The following CYP39A1 variants were observed in gnomAD, a reference collection of about 807,000 sequenced individuals.
CYP39A1 encodes cytochrome P450 family 39 subfamily A member 1, also known as 24-hydroxycholesterol 7-alpha-hydroxylase.
Under a neutral mutation model 58.1 loss-of-function variants are expected in CYP39A1, and 49 were observed. The observed-to-expected ratio is 0.84, with a 90% CI of 0.67 to 1.07. The LOEUF is 1.07. Ranked by LOEUF, CYP39A1 falls within the 50% of genes least tolerant of loss-of-function variation. The pLI, the probability that CYP39A1 is intolerant of heterozygous loss-of-function variation, is 0.00. For missense variants in CYP39A1, 531 were observed against 539.4 expected, an observed-to-expected ratio of 0.98 and a Z score of 0.16; for synonymous variants, 209 against 187.6, an observed-to-expected ratio of 1.11 and a Z score of -0.93.
rs764592201 is a variant in CYP39A1 at position 46,636,430 on chromosome 6, G to A, written c.691C>T (p.Pro231Ser). ...GCAGATTTACATGCTTTTATATCTG[G>A]AATGTTTTTCTCAAACAGTTCCAGG... ...WFLELFEKNI[P>S]DIKACKSAKD... The change falls in exon 5 of 12, where the codon CCA (proline) becomes TCA (serine). Residue 231 changes from proline (P) to serine (S), a missense_variant. Transcript: ENST00000275016. 10 of 1,609,468 alleles carry A rather than the reference G, an allele frequency of 6.2e-6. No individual in the cohort carries two copies. The African/African-American group carries it at 1.3e-4, about 22-fold the overall frequency.
At chr6:46,563,822 C>T (rs1173230676) in intron 10 of CYP39A1, among the ~76,000 whole-genome samples, 15 of 152,220 alleles carry the variant, frequency 9.9e-5, no homozygotes, top group South Asian at 4.1e-4. Context: ...AGCAAGTAGA[C>T]GCTCTGGGGA....
At position 46,631,000 on chromosome 6, in the gene CYP39A1, AG is replaced by A. The variant is rs777651841; in HGVS notation, c.802del (p.Leu268SerfsTer60). 1.9e-6 allele frequency: 3 copies of A among 1,614,080 alleles called. No individual in the cohort carries two copies. Among genetic ancestry groups the A allele is most frequent in the South Asian group, 2.2e-5 (2 of 91,084 alleles). On this transcript the variant is annotated frameshift_variant, in exon 6 of 12. Coordinates refer to ENST00000275016, the MANE Select transcript of CYP39A1 (RefSeq NM_016593.5). LOFTEE classifies it high-confidence loss of function. Reference protein sequence around the residue: ...TSKENSPNYGLLLLWASLSNA... With the variant: ...TSKENSPNYGXLLLWASLSNA... ...AGACAGAGAAGCCCAAAGCAGTAAG[AG>A]CCCATAATTGGGTGAGTTTTCCTTA...
At chr6:46,646,325 T>C (rs74411519) in intron 1 of CYP39A1, among the ~76,000 whole-genome samples, 1 of 152,112 alleles carries the variant, frequency 6.6e-6, no homozygotes, top group South Asian at 2.1e-4. Flanking sequence ...TGAATGGATA[T>C]CAGGAATGGA....
At chr6:46,652,261 G>T in intron 1 of CYP39A1, 145 bp downstream of exon 1, 1 of 788,014 alleles carries the variant, frequency 1.3e-6, no homozygotes, top group Non-Finnish European at 1.9e-6. Context: ...TGTTAGTAGA[G>T]GAATTCAGAA....
intron 7 of CYP39A1, among the ~76,000 whole-genome samples, chr6:46,604,928 C>G (rs1380232591): frequency 6.6e-6 from 1 of 151,880 alleles, no homozygotes; most frequent in African/African-American, 2.4e-5. Flanking sequence ...TTTTGGCTTC[C>G]CTGCGCCACA....
At chr6:46,557,208 C>G (rs184552036) in intron 10 of CYP39A1, among the ~76,000 whole-genome samples, 1 of 151,734 alleles carries the variant, frequency 6.6e-6, no homozygotes, top group African/African-American at 2.4e-5. Context: ...TATAAAATAA[C>G]GAAGTCTAAC....
intron 7 of CYP39A1, among the ~76,000 whole-genome samples, chr6:46,619,203 C>T (rs1018385276): frequency 2.6e-5 from 4 of 152,084 alleles, no homozygotes; most frequent in South Asian, 2.1e-4. Flanking sequence ...ATAAAACATT[C>T]GTTTCATATA....
rs574775748 is a variant in CYP39A1, at chr6:46,589,047, T to A, written c.1066-918A>T. 3.3e-5 allele frequency among the ~76,000 whole-genome samples: 5 copies of A among 152,314 alleles called. No homozygotes were observed. In the South Asian group the frequency reaches 1.0e-3, roughly 32 times the overall value. ...TTTATTAGGTAATTCCCACTGCCCA[T>A]CATCATAAGCCACATCTATTTAACC... On this transcript the variant is annotated intron_variant, in intron 8 of 11. Coordinates refer to ENST00000275016, the MANE Select transcript of CYP39A1 (RefSeq NM_016593.5).
rs145428790 is a variant in CYP39A1 at position 46,552,487 on chromosome 6, C to T, written c.1338+1280G>A. 2.2e-3 allele frequency among the ~76,000 whole-genome samples: 331 copies of T among 152,268 alleles called. 3 individuals carry two copies. In the East Asian group the frequency reaches 0.022, roughly 10 times the overall value. ...AATAAAATACTTTCTGTGTCACTTACGCACTTACATAATTCCTATTGAAAT... is the reference window on the plus strand; with the variant it reads ...AATAAAATACTTTCTGTGTCACTTATGCACTTACATAATTCCTATTGAAAT... On this transcript the variant is annotated intron_variant, in intron 11 of 11. Transcript: ENST00000275016.
rs768573313 is a variant in CYP39A1 at position 46,652,440 on chromosome 6, G to T, written c.143C>A (p.Ala48Asp). 6.2e-7 allele frequency: 1 copy of T among 1,613,620 alleles called. No homozygotes were observed. The highest frequency in any genetic ancestry group is 1.1e-5 in the South Asian group (1 of 90,946). ...TGCTTTCTCTATAAATTCTAGAGGG[G>T]CTTTCCCAAACTCAAATCCAACTCC... ...WIGVGFEFGKAPLEFIEKARI... is the reference protein window; with the variant it reads ...WIGVGFEFGKDPLEFIEKARI... Residue 48 changes from alanine (A) to aspartate (D), a missense_variant, in exon 1 of 12, where the codon GCC (alanine) becomes GAC (aspartate). By Grantham distance (126) the Ala-to-Asp change is moderately radical. Transcript: ENST00000275016.
Position 46,596,113 on chromosome 6 carries a change from A to G in CYP39A1, c.939T>C (p.Asp313=). 1 of 1,596,952 alleles carries G rather than the reference A, an allele frequency of 6.3e-7. No homozygotes were observed. The highest frequency in any genetic ancestry group is 8.5e-7 in the Non-Finnish European group (1 of 1,174,204). ...GGTCATCCTCAGACACTTTAATCTT[A>G]TCTTTGCCTGTAAAAAAATTTTTAA... ...ISSVFGKAGK[D]KIKVSEDDLE... Residue 313 remains aspartate (D), a synonymous_variant, in exon 8 of 12, where the codon GAT becomes GAC. Coordinates refer to ENST00000275016, the MANE Select transcript of CYP39A1 (RefSeq NM_016593.5).
rs189552559 is a variant in CYP39A1, at chr6:46,586,193, G to A, written c.1250+884C>T. 43 of 979,916 alleles carry A rather than the reference G, an allele frequency of 4.4e-5. No individual in the cohort carries two copies. The East Asian group carries it at 2.8e-3, about 65-fold the overall frequency. The allele number at this position is 979,916 out of a possible 1,614,324, so 60.7% of individuals were successfully genotyped here. ...AACGGAAGGATGGAATGGATACTGCGGAGCAATTAATAACTGCAAATATGG... is the reference window on the plus strand; with the variant it reads ...AACGGAAGGATGGAATGGATACTGCAGAGCAATTAATAACTGCAAATATGG... On this transcript the variant is annotated intron_variant, in intron 10 of 11. Coordinates refer to ENST00000275016, the MANE Select transcript of CYP39A1 (RefSeq NM_016593.5).
chr6:46,623,616 C>A (rs1351796090), intron 7 of CYP39A1, among the ~76,000 whole-genome samples: 1 of 152,126 alleles, frequency 6.6e-6, no homozygotes, highest in Non-Finnish European at 1.5e-5. Flanking sequence ...TAATAAATGT[C>A]TTTTGAGTTT....
At chr6:46,582,498 T>A (rs959401227) in intron 10 of CYP39A1, among the ~76,000 whole-genome samples, 2 of 152,168 alleles carry the variant, frequency 1.3e-5, no homozygotes, top group African/African-American at 4.8e-5. Context: ...GCACTTAATT[T>A]TTTTTCTTCC....
intron 1 of CYP39A1, among the ~76,000 whole-genome samples, chr6:46,647,783 G>A (rs901784615): frequency 2.6e-5 from 4 of 152,166 alleles, no homozygotes; most frequent in Non-Finnish European, 5.9e-5. Context: ...CTTCTTTTGA[G>A]AAGTATCTGT....
intron 2 of CYP39A1, 120 bp from the exon 3 acceptor site, chr6:46,639,788 G>C: frequency 1.4e-6 from 1 of 723,354 alleles, no homozygotes; most frequent in Non-Finnish European, 2.2e-6. Flanking sequence ...AGTACATAAG[G>C]TCACCTCCCA....
intron 11 of CYP39A1, among the ~76,000 whole-genome samples, chr6:46,553,177 T>C (rs1325058241): frequency 6.6e-6 from 1 of 151,954 alleles, no homozygotes; most frequent in East Asian, 1.9e-4. Context: ...TTATACAGTC[T>C]GTTCTAACAA....
chr6:46,635,294 C>T (rs961322299), intron 5 of CYP39A1, among the ~76,000 whole-genome samples: 3 of 152,138 alleles, frequency 2.0e-5, no homozygotes, highest in Non-Finnish European at 4.4e-5. Flanking sequence ...ATTCCCACAA[C>T]TTTATGCGGT....
chr6:46,618,952 T>G (rs570428643), intron 7 of CYP39A1, among the ~76,000 whole-genome samples: 1 of 152,178 alleles, frequency 6.6e-6, no homozygotes, highest in African/African-American at 2.4e-5. Context: ...GCAATATTCC[T>G]CTGCCTTAAT....
Sources: gnomAD v4.1 joint callset for allele counts (sites outside exome capture counted in the v4.1 genomes callset) on GRCh38, gnomAD v4.1.1 for gene constraint, MANE v1.5 for transcripts, NCBI Gene and HGNC (gene_info 2026-07-23, HGNC 2026-07-21) for gene names.